The following KIAA0232 variants were observed in gnomAD, a reference collection of about 807,000 sequenced individuals.
The protein encoded by KIAA0232 is KIAA0232, also known as uncharacterized protein KIAA0232.
Under a neutral mutation model 122.0 loss-of-function variants are expected in KIAA0232, and 27 were observed. The ratio of observed to expected loss-of-function variants is 0.22; its 90% CI spans 0.16 to 0.31. The LOEUF (loss-of-function observed/expected upper bound fraction) is 0.31, where lower values mean the gene tolerates loss of function less well. Ranked by LOEUF, KIAA0232 falls within the 10% of genes least tolerant of loss-of-function variation. The pLI is 1.00. For missense variants in KIAA0232, 1,551 were observed against 1,634.2 expected (o/e 0.95, Z 0.88); for synonymous variants, 613 against 587.6 (o/e 1.04, Z -0.63).
At position 6,881,559 on chromosome 4, in the gene KIAA0232, C is replaced by G. The variant is rs1252389640; in HGVS notation, c.*593C>G. The stretch of plus-strand genomic sequence containing the variant: ...ACTCACCAAATACTGTGTTTTCTCT[C>G]TTAGGATTTCTTTTCCCCTAAAGTA... On this transcript the variant is annotated 3_prime_UTR_variant, in exon 10 of 10. Coordinates refer to ENST00000307659, the MANE Select transcript of KIAA0232 (RefSeq NM_014743.3). 2.0e-5 allele frequency: 3 copies of G among 152,600 alleles called. No individual in the cohort carries two copies. The highest frequency in any genetic ancestry group is 4.4e-5 in the Non-Finnish European group (3 of 68,026). 9.5% of individuals were successfully genotyped at this position (152,600 alleles called of 1,614,324 possible). A position where few individuals can be genotyped will look rare whatever the true frequency, so the allele number is the denominator to read the frequency against.
chr4:6,820,661 A>G (rs1160238754), intron 2 of KIAA0232, among the ~76,000 whole-genome samples: 1 of 152,140 alleles, frequency 6.6e-6, no homozygotes, highest in Non-Finnish European at 1.5e-5. Context: ...AAAGCTCTAC[A>G]ATGTTTTGTA....
chr4:6,814,773 T>C (rs1169031713), intron 2 of KIAA0232, among the ~76,000 whole-genome samples: 1 of 152,154 alleles, frequency 6.6e-6, no homozygotes, highest in Admixed American at 6.5e-5. Flanking sequence ...ATTGCTGAAC[T>C]AGTGTACTTT....
intron 1 of KIAA0232, among the ~76,000 whole-genome samples, chr4:6,792,698 T>G (rs965024980): frequency 7.0e-6 from 1 of 143,190 alleles, no homozygotes; most frequent in South Asian, 2.4e-4. Flanking sequence ...TTTTTTTGTT[T>G]TTTTTTTTTG....
intron 1 of KIAA0232, among the ~76,000 whole-genome samples, chr4:6,791,134 G>A (rs1716875063): frequency 6.6e-6 from 1 of 150,850 alleles, no homozygotes; most frequent in South Asian, 2.1e-4. Flanking sequence ...TGCCCAGGCT[G>A]GTCTCGAACT....
At chr4:6,836,363 T>TA (rs1719270782) in intron 3 of KIAA0232, among the ~76,000 whole-genome samples, 1 of 150,788 alleles carries the variant, frequency 6.6e-6, no homozygotes, top group Admixed American at 6.6e-5. Flanking sequence ...TTGCAAATCA[T>TA]ATATGTATAT....
At chr4:6,845,969 G>A (rs1719941484) in intron 4 of KIAA0232, among the ~76,000 whole-genome samples, 1 of 152,126 alleles carries the variant, frequency 6.6e-6, no homozygotes, top group South Asian at 2.1e-4. Context: ...GGCTTATAAA[G>A]ATCTTTGATT....
At chr4:6,849,774 A>T (rs1436327189) in intron 4 of KIAA0232, among the ~76,000 whole-genome samples, 1 of 152,218 alleles carries the variant, frequency 6.6e-6, no homozygotes, top group Non-Finnish European at 1.5e-5. Context: ...CTCCAAAAAA[A>T]AAAAAAAGTA....
At position 6,876,737 on chromosome 4, in the gene KIAA0232, C is replaced by A. The variant is rs951493414; in HGVS notation, c.3988C>A (p.Arg1330Ser). The change falls in exon 9 of 10, where the codon CGC becomes AGC. Residue 1330 changes from arginine (R) to serine (S), a missense_variant. Physicochemically the swap from Arg to Ser is moderately radical, Grantham distance 110. Coordinates refer to ENST00000307659, the MANE Select transcript of KIAA0232 (RefSeq NM_014743.3). ...DAKETPSNEE[R>S]LLDFNRVSSV... ...TAAAGAGACACCCAGTAATGAAGAG[C>A]GCCTGTTAGATTTTAATAGGGTAAG... 6.2e-7 allele frequency: 1 copy of A among 1,611,038 alleles called. No homozygotes were observed. Among genetic ancestry groups the A allele is most frequent in the Non-Finnish European group, 8.5e-7 (1 of 1,177,298 alleles).
chr4:6,882,335 T>G lies in KIAA0232; in HGVS notation c.*1369T>G, dbSNP rs1722118545. 1 of 152,232 alleles carries G rather than the reference T, an allele frequency of 6.6e-6. No individual in the cohort carries two copies. The highest frequency in any genetic ancestry group is 2.4e-5 in the African/African-American group (1 of 41,468). The allele number at this position is 152,232 out of a possible 1,614,324, so 9.4% of individuals were successfully genotyped here. A position where few individuals can be genotyped will look rare whatever the true frequency, so the allele number is the denominator to read the frequency against. ...CATCAGGAATGGCAGAAAAGTCTGA[T>G]GCGCTCTAGACAGCTTCACCACTCA... On this transcript the variant is annotated 3_prime_UTR_variant, in exon 10 of 10. Transcript: ENST00000307659.
chr4:6,834,468 C>T (rs1560181708), intron 3 of KIAA0232, among the ~76,000 whole-genome samples: 1 of 152,182 alleles, frequency 6.6e-6, no homozygotes, highest in Non-Finnish European at 1.5e-5. Flanking sequence ...ATTAACTACT[C>T]CTCTTCTAGC....
At chr4:6,841,289 A>T (rs1224094069) in intron 3 of KIAA0232, among the ~76,000 whole-genome samples, 2 of 152,242 alleles carry the variant, frequency 1.3e-5, no homozygotes, top group Non-Finnish European at 2.9e-5. Context: ...TTCATACTGG[A>T]TACGCAGTGC....
intron 3 of KIAA0232, among the ~76,000 whole-genome samples, chr4:6,825,974 G>C (rs771811633): frequency 5.3e-5 from 8 of 152,096 alleles, no homozygotes; most frequent in Non-Finnish European, 1.2e-4. Context: ...TTTTGAGACA[G>C]GGTCTTGCTC....
intron 1 of KIAA0232, among the ~76,000 whole-genome samples, chr4:6,789,755 A>G (rs1716804528): frequency 6.6e-6 from 1 of 152,158 alleles, no homozygotes. Flanking sequence ...TTGGCCAGGC[A>G]TGCTGGCTTG....
chr4:6,795,140 G>A (rs11944937), intron 1 of KIAA0232, among the ~76,000 whole-genome samples: 147 of 152,158 alleles, frequency 9.7e-4, no homozygotes, highest in African/African-American at 3.4e-3. Context: ...GCATGATCTC[G>A]GCTTACTGCA....
intron 7 of KIAA0232, among the ~76,000 whole-genome samples, chr4:6,868,993 AC>A (rs1277209968): frequency 1.3e-5 from 2 of 152,152 alleles, no homozygotes; most frequent in African/African-American, 4.8e-5. Flanking sequence ...CCTGGCGGAA[AC>A]TTTTCTTCAC....
chr4:6,804,388 A>G (rs1250193362), intron 1 of KIAA0232, 135 bp from the exon 2 acceptor site: 1 of 152,168 alleles, frequency 6.6e-6, no homozygotes, highest in Non-Finnish European at 1.5e-5. Flanking sequence ...TGCCATTAAC[A>G]TCCCATTATC....
intron 8 of KIAA0232, among the ~76,000 whole-genome samples, chr4:6,872,997 G>A (rs1721572824): frequency 6.6e-6 from 1 of 152,230 alleles, no homozygotes; most frequent in African/African-American, 2.4e-5. Flanking sequence ...CATAAGGAGA[G>A]CGTAGAGCTG....
intron 4 of KIAA0232, among the ~76,000 whole-genome samples, chr4:6,850,250 C>A (rs915486894): frequency 6.6e-6 from 1 of 152,124 alleles, no homozygotes; most frequent in African/African-American, 2.4e-5. Flanking sequence ...CCTGTGTGCC[C>A]ACTGAAGTTG....
Position 6,880,644 on chromosome 4 carries a change from G to A in KIAA0232, c.4009-143G>A, listed in dbSNP as rs1722022972. On this transcript the variant is annotated intron_variant, in intron 9 of 9. Coordinates refer to ENST00000307659, the MANE Select transcript of KIAA0232 (RefSeq NM_014743.3). ...CAGAGAAGAGAGGCGGTTTTGCTCT[G>A]AAACAGTAAAACTCTGCATGTTTGT... 7.3e-6 allele frequency: 4 copies of A among 546,366 alleles called. No homozygotes were observed. In the East Asian group the frequency reaches 1.4e-4, roughly 19 times the overall value. The allele number at this position is 546,366 out of a possible 1,614,324, so 33.8% of individuals were successfully genotyped here. A position where few individuals can be genotyped will look rare whatever the true frequency, so the allele number is the denominator to read the frequency against.
Sources: allele counts gnomAD v4.1 joint callset (sites outside exome capture counted in the v4.1 genomes callset), GRCh38; gene constraint gnomAD v4.1.1; transcripts MANE v1.5; gene names NCBI Gene and HGNC (gene_info 2026-07-23, HGNC 2026-07-21).